ADORA2B: variants seen among roughly 807,000 people sequenced by gnomAD.
ADORA2B encodes the protein adenosine receptor A2b.
ADORA2B carries 18 observed loss-of-function variants against 20.8 expected under a neutral mutation model. That is an observed-to-expected ratio of 0.87 (90% CI 0.60 to 1.29). The LOEUF (loss-of-function observed/expected upper bound fraction) is 1.29, where lower values mean the gene tolerates loss of function less well. Among genes scored for constraint, ADORA2B ranks in the 50% most tolerant of loss-of-function variants. The pLI, the probability that ADORA2B is intolerant of heterozygous loss-of-function variation, is 0.00. For missense variants in ADORA2B, 441 were observed against 422.7 expected (o/e 1.04, Z -0.38); for synonymous variants, 179 against 178.3 (o/e 1.00, Z -0.03).
chr17:15,923,781 GT>G, the ADORA2B span, among the ~76,000 whole-genome samples: 474 of 152,288 alleles, frequency 3.1e-3, no homozygotes, highest in African/African-American at 0.011. Context: ...GATGATGTAT[GT>G]GATTTGAGAT....
In ADORA2B at chr17:15,974,910, G is replaced by A; in HGVS notation, c.567G>A (p.Gly189=). ...MSYMVYFNFF[G]CVLPPLLIML... is the part of the protein sequence containing the mutation. ...ACATGGTATATTTCAATTTCTTTGG[G>A]TGTGTTCTGCCCCCACTGCTTATAA... is the stretch of plus-strand genomic sequence containing the variant. Residue 189 remains glycine (G), a synonymous_variant, in exon 2 of 2, where the codon GGG becomes GGA. Transcript: ENST00000304222. 2 of 1,614,112 alleles carry A rather than the reference G, an allele frequency of 1.2e-6. No individual in the cohort carries two copies. The highest frequency in any genetic ancestry group is 2.2e-5 in the East Asian group (1 of 44,866).
At chr17:15,933,597 T>C in the ADORA2B span, among the ~76,000 whole-genome samples, 13 of 152,068 alleles carry the variant, frequency 8.5e-5, no homozygotes, top group Non-Finnish European at 1.6e-4. Flanking sequence ...AGATTATTCA[T>C]TGCTATTGAG....
chr17:15,868,748 C>T, the ADORA2B span, among the ~76,000 whole-genome samples: 1 of 141,608 alleles, frequency 7.1e-6, no homozygotes, highest in African/African-American at 2.6e-5. Context: ...CCACTGCACT[C>T]CAGCCTGGGC....
chr17:15,881,396 C>G, the ADORA2B span, among the ~76,000 whole-genome samples: 1 of 152,188 alleles, frequency 6.6e-6, no homozygotes, highest in Non-Finnish European at 1.5e-5. Context: ...CCACCACGCC[C>G]GGCCTCTTTA....
the ADORA2B span, among the ~76,000 whole-genome samples, chr17:15,886,343 G>A: frequency 1.2e-4 from 11 of 91,846 alleles, 3 homozygotes; most frequent in Non-Finnish European, 2.3e-4. Context: ...GGTGAACCAC[G>A]TGCAGTAGAA....
the ADORA2B span, among the ~76,000 whole-genome samples, chr17:15,925,368 C>G: frequency 2.9e-4 from 44 of 152,156 alleles, no homozygotes; most frequent in Admixed American, 1.3e-4. Context: ...ATGGGGGTCT[C>G]AAACTCCTGG....
chr17:15,894,295 A>G, the ADORA2B span, among the ~76,000 whole-genome samples: 2 of 152,360 alleles, frequency 1.3e-5, no homozygotes, highest in East Asian at 1.9e-4. Flanking sequence ...TAAGTCGTCA[A>G]AGAGCCCAGA....
chr17:15,903,292 A>C, the ADORA2B span, among the ~76,000 whole-genome samples: 2 of 152,238 alleles, frequency 1.3e-5, no homozygotes. Flanking sequence ...GGATGGGCAA[A>C]TGAGTATGTA....
chr17:15,905,059 C>CA, the ADORA2B span, among the ~76,000 whole-genome samples: 1,501 of 150,156 alleles, frequency 1.0e-2, 21 homozygotes, highest in African/African-American at 0.035. Flanking sequence ...CATTATCTAC[C>CA]AAAAAAAAAG....
At chr17:15,895,604 G>A in the ADORA2B span, among the ~76,000 whole-genome samples, 2 of 152,188 alleles carry the variant, frequency 1.3e-5, no homozygotes, top group South Asian at 2.1e-4. Flanking sequence ...TGCCTTCATG[G>A]CAGCCACCAA....
chr17:15,861,934 C>T, the ADORA2B span, among the ~76,000 whole-genome samples: 3 of 152,206 alleles, frequency 2.0e-5, no homozygotes, highest in African/African-American at 7.2e-5. Flanking sequence ...TGCTCCACTA[C>T]TTAGCACCAC....
At chr17:15,892,350 T>C in the ADORA2B span, among the ~76,000 whole-genome samples, 1 of 152,068 alleles carries the variant, frequency 6.6e-6, no homozygotes, top group Non-Finnish European at 1.5e-5. Context: ...GTATTTTTAA[T>C]AGAGACAGGG....
At chr17:15,885,009 A>G in the ADORA2B span, among the ~76,000 whole-genome samples, 1 of 152,212 alleles carries the variant, frequency 6.6e-6, no homozygotes, top group Non-Finnish European at 1.5e-5. Context: ...GTGTTCCACA[A>G]TGATTGAACA....
chr17:15,965,365 A>G (rs1970102785), intron 1 of ADORA2B, among the ~76,000 whole-genome samples: 1 of 152,130 alleles, frequency 6.6e-6, no homozygotes, highest in Non-Finnish European at 1.5e-5. Flanking sequence ...TTTTGGATAC[A>G]GCTGTGAGTC....
chr17:15,935,123 A>G, the ADORA2B span, among the ~76,000 whole-genome samples: 1 of 151,556 alleles, frequency 6.6e-6, no homozygotes, highest in Non-Finnish European at 1.5e-5. Context: ...TACATTTCAT[A>G]CTCTCTTTTA....
the ADORA2B span, among the ~76,000 whole-genome samples, chr17:15,885,395 G>A: frequency 6.6e-6 from 1 of 152,190 alleles, no homozygotes; most frequent in Non-Finnish European, 1.5e-5. Context: ...ACTGGATTTT[G>A]TGGTTTGCAA....
the ADORA2B span, among the ~76,000 whole-genome samples, chr17:15,928,021 G>A: frequency 1.3e-4 from 20 of 152,040 alleles, no homozygotes; most frequent in Admixed American, 2.6e-4. Flanking sequence ...GGGGTTTCAC[G>A]GTGGTCTTGA....
chr17:15,928,903 G>A, the ADORA2B span, among the ~76,000 whole-genome samples: 1 of 152,138 alleles, frequency 6.6e-6, no homozygotes, highest in East Asian at 1.9e-4. Context: ...CAGGGCTCGA[G>A]GGTGATGTAG....
chr17:15,974,299 G>C (rs1970220902), intron 1 of ADORA2B: 1 of 176,558 alleles, frequency 5.7e-6, no homozygotes, highest in African/African-American at 2.4e-5. Flanking sequence ...GGCAGCTTTA[G>C]GCTAAACTTG....
Sources: gnomAD v4.1 joint callset for allele counts (sites outside exome capture counted in the v4.1 genomes callset) on GRCh38, gnomAD v4.1.1 for gene constraint, MANE v1.5 for transcripts, NCBI Gene and HGNC (gene_info 2026-07-23, HGNC 2026-07-21) for gene names.